The following ZNF536 variants were observed in gnomAD, a reference collection of about 807,000 sequenced individuals.
ZNF536 encodes the protein zinc finger protein 536.
Under a neutral mutation model 84.5 loss-of-function variants are expected in ZNF536, and 13 were observed. The ratio of observed to expected loss-of-function variants is 0.15; its 90% CI spans 0.10 to 0.24. The LOEUF (loss-of-function observed/expected upper bound fraction) is 0.24. ZNF536 is among the 10% of genes least tolerant of loss of function. The probability of loss-of-function intolerance (pLI) is 1.00; values close to 1 mark genes in which losing one functional copy is unlikely to be tolerated. For missense variants in ZNF536, 1,536 were observed against 1,747.5 expected (o/e 0.88, Z 2.16); for synonymous variants, 811 against 742.5 (o/e 1.09, Z -1.50).
intron 1 of ZNF536, among the ~76,000 whole-genome samples, chr19:30,271,303 T>A (rs1377790135): frequency 6.9e-6 from 1 of 145,646 alleles, no homozygotes; most frequent in African/African-American, 2.6e-5. Context: ...TCTTTTCTTT[T>A]TTTTTTTTTT....
At chr19:30,388,827 G>A (rs1316227556) in intron 1 of ZNF536, among the ~76,000 whole-genome samples, 1 of 152,152 alleles carries the variant, frequency 6.6e-6, no homozygotes, top group Non-Finnish European at 1.5e-5. Flanking sequence ...TCCTTTATGG[G>A]CTTCCTCCAC....
At chr19:30,400,212 G>C (rs139155527) in intron 1 of ZNF536, among the ~76,000 whole-genome samples, 4 of 151,850 alleles carry the variant, frequency 2.6e-5, no homozygotes, top group African/African-American at 9.7e-5. Flanking sequence ...TTGGGTGAAC[G>C]TAAGTTTATT....
At chr19:30,688,693 T>G (rs1293294047) in intron 1 of ZNF536, among the ~76,000 whole-genome samples, 1 of 152,214 alleles carries the variant, frequency 6.6e-6, no homozygotes, top group Admixed American at 6.5e-5. Context: ...TTACTACAGC[T>G]TTTGAAACCC....
At chr19:30,305,306 T>G (rs1035900058) in intron 2 of ZNF536, among the ~76,000 whole-genome samples, 6 of 152,142 alleles carry the variant, frequency 3.9e-5, no homozygotes, top group African/African-American at 1.4e-4. Context: ...GGGGAGCTAG[T>G]GTCCTCGCTT....
At chr19:30,334,497 G>C (rs890902620) in intron 2 of ZNF536, among the ~76,000 whole-genome samples, 3 of 152,152 alleles carry the variant, frequency 2.0e-5, no homozygotes, top group Non-Finnish European at 4.4e-5. Context: ...TTGGTATTAG[G>C]ACGTCTGGTT....
chr19:30,626,994 G>C (rs1031620625), intron 1 of ZNF536, among the ~76,000 whole-genome samples: 3 of 152,156 alleles, frequency 2.0e-5, no homozygotes, highest in Non-Finnish European at 4.4e-5. Context: ...AGAATGATGG[G>C]ACTGGCAGTA....
At chr19:30,247,204 C>T (rs535219189) in intron 1 of ZNF536, among the ~76,000 whole-genome samples, 4 of 152,310 alleles carry the variant, frequency 2.6e-5, no homozygotes, top group Non-Finnish European at 4.4e-5. Context: ...CCGGTGTGCC[C>T]CCATTGTAGG....
At chr19:30,498,442 G>T (rs2054809831) in intron 2 of ZNF536, among the ~76,000 whole-genome samples, 1 of 152,068 alleles carries the variant, frequency 6.6e-6, no homozygotes, top group South Asian at 2.1e-4. Context: ...CTGTCAGGGA[G>T]TGGGGTGGGG....
At chr19:30,503,582 A>G (rs752726288) in intron 2 of ZNF536, among the ~76,000 whole-genome samples, 11 of 152,256 alleles carry the variant, frequency 7.2e-5, no homozygotes, top group Non-Finnish European at 1.5e-4. Context: ...CAAAAATAGA[A>G]ACATTCTCAA....
chr19:30,357,116 G>A (rs1287055184), intron 3 of ZNF536, among the ~76,000 whole-genome samples: 3 of 152,234 alleles, frequency 2.0e-5, no homozygotes, highest in South Asian at 4.1e-4. Flanking sequence ...ACATCACAGA[G>A]CAATAAATGC....
intron 2 of ZNF536, among the ~76,000 whole-genome samples, chr19:30,320,961 G>A (rs538301338): frequency 2.6e-5 from 4 of 152,308 alleles, no homozygotes; most frequent in Admixed American, 2.6e-4. Flanking sequence ...TGGGAGTGCA[G>A]CGACAAACAC....
chr19:30,555,614 GTC>G (rs2045937286), intron 4 of ZNF536: 1 of 152,192 alleles, frequency 6.6e-6, no homozygotes, highest in Non-Finnish European at 1.5e-5. Flanking sequence ...CCCTGCCTCA[GTC>G]TTTGACCAAG....
exon 2 of ZNF536, chr19:30,712,095 G>A (rs979145554): frequency 1.1e-4 from 17 of 152,108 alleles, no homozygotes; most frequent in Middle Eastern, 3.4e-3. Context: ...CTCTAATGAC[G>A]AAAACTGTTT....
chr19:30,589,594 A>AAAT lies in ZNF536; in HGVS notation c.169+40080_169+40081insAAT, dbSNP rs1568580509. 9.2e-5 allele frequency among the ~76,000 whole-genome samples: 14 copies of AAAT among 152,288 alleles called. No homozygotes were observed. In the East Asian group the frequency reaches 2.7e-3, roughly 29 times the overall value. The stretch of plus-strand genomic sequence containing the variant: ...ATTTGGGGGTGATCTCAGGAAGCAC[A>AAAT]GGTAGGGGATAAAGAAATGAAGCAA... On this transcript the variant is annotated intron_variant, in intron 1 of 1. Coordinates refer to the ZNF536 transcript ENST00000592773.
intron 1 of ZNF536, among the ~76,000 whole-genome samples, chr19:30,268,330 T>G (rs2025635697): frequency 6.6e-6 from 1 of 152,184 alleles, no homozygotes; most frequent in Non-Finnish European, 1.5e-5. Context: ...GTCAGTGCTA[T>G]TAGTCCACCT....
chr19:30,499,455 T>A (rs1349007559), intron 2 of ZNF536, among the ~76,000 whole-genome samples: 1 of 152,196 alleles, frequency 6.6e-6, no homozygotes, highest in Non-Finnish European at 1.5e-5. Flanking sequence ...TGTGTTTGTA[T>A]CTATGTATCT....
chr19:30,326,809 T>TTG (rs2047051239), intron 2 of ZNF536, among the ~76,000 whole-genome samples: 2 of 136,360 alleles, frequency 1.5e-5, no homozygotes, highest in African/African-American at 5.5e-5. Flanking sequence ...TTTTTTTTTT[T>TTG]TTTTTTTTTG....
chr19:30,576,275 T>A (rs1030139942), intron 1 of ZNF536, among the ~76,000 whole-genome samples: 1 of 152,118 alleles, frequency 6.6e-6, no homozygotes, highest in Admixed American at 6.5e-5. Context: ...GAGCCCAGGA[T>A]GGAGGTCCTT....
chr19:30,701,045 C>T (rs906069048), intron 1 of ZNF536, among the ~76,000 whole-genome samples: 1 of 152,172 alleles, frequency 6.6e-6, no homozygotes, highest in African/African-American at 2.4e-5. Context: ...CACTGTCAAA[C>T]GTGGATGCAG....
Sources: allele counts gnomAD v4.1 joint callset (sites outside exome capture counted in the v4.1 genomes callset), GRCh38; gene constraint gnomAD v4.1.1; transcripts MANE v1.5; gene names NCBI Gene and HGNC (gene_info 2026-07-23, HGNC 2026-07-21).